LHX4: variants seen among roughly 807,000 people sequenced by gnomAD.
The protein encoded by LHX4 is LIM/homeobox protein Lhx4.
Under a neutral mutation model 39.2 loss-of-function variants are expected in LHX4, and 16 were observed. The ratio of observed to expected loss-of-function variants is 0.41; its 90% CI spans 0.28 to 0.62. The LOEUF (loss-of-function observed/expected upper bound fraction) is 0.62. Among genes scored for constraint, LHX4 ranks in the 20% least tolerant of loss-of-function variants. The probability of loss-of-function intolerance (pLI) is 0.33; values close to 1 mark genes in which losing one functional copy is unlikely to be tolerated. For missense variants in LHX4, 439 were observed against 511.9 expected (o/e 0.86, Z 1.37); for synonymous variants, 206 against 198.1 (o/e 1.04, Z -0.33).
At chr1:180,263,788 G>A (rs1410501471) in intron 2 of LHX4, among the ~76,000 whole-genome samples, 1 of 152,182 alleles carries the variant, frequency 6.6e-6, no homozygotes, top group East Asian at 1.9e-4. Context: ...CCCCCTGCCT[G>A]CTTTTTAGTG....
At chr1:180,255,163 G>T (rs527442028) in intron 2 of LHX4, among the ~76,000 whole-genome samples, 1 of 152,392 alleles carries the variant, frequency 6.6e-6, no homozygotes, top group African/African-American at 2.4e-5. Flanking sequence ...CGCCTGGGTG[G>T]CTTTCCACTG....
rs369174314 is a variant in LHX4 at position 180,274,522 on chromosome 1, C to T, written c.1116C>T (p.Pro372=). ...CCACAGGAAGCAGTGTAGGCTATCC[C>T]GACTTTCCAACTAGCCCAGGCTCTT... ...DISTGSSVGY[P]DFPTSPGSWL... is the part of the protein sequence containing the mutation. The change falls in exon 6 of 6, where the codon CCC becomes CCT. Residue 372 remains proline (P), a synonymous_variant. Coordinates refer to ENST00000263726, the MANE Select transcript of LHX4 (RefSeq NM_033343.4). The T allele has an allele frequency of 4.4e-5, 70 of 1,607,122 alleles. No individual in the cohort carries two copies. The highest frequency in any genetic ancestry group is 2.3e-4 in the African/African-American group (17 of 74,972).
In LHX4 at chr1:180,271,422, C is replaced by T; in HGVS notation, c.494C>T (p.Thr165Ile). 6.2e-7 allele frequency: 1 copy of T among 1,614,186 alleles called. No individual in the cohort carries two copies. Among genetic ancestry groups the T allele is most frequent in the South Asian group, 1.1e-5 (1 of 91,090 alleles). Residue 165 changes from threonine to isoleucine, a missense_variant, in exon 4 of 6, where the codon ACA (threonine) becomes ATA (isoleucine). Coordinates refer to ENST00000263726, the MANE Select transcript of LHX4 (RefSeq NM_033343.4). ...GCTAAGCGGCCCCGGACCACCATCA[C>T]AGCCAAGCAGCTGGAGACATTAAAG... ...AGAKRPRTTI[T>I]AKQLETLKNA...
intron 2 of LHX4, 116 bp downstream of exon 2, chr1:180,248,572 G>C: frequency 8.9e-7 from 1 of 1,123,630 alleles, no homozygotes; most frequent in Non-Finnish European, 1.3e-6. Context: ...CTCTGGGAGG[G>C]GCAGGTAAAT....
intron 1 of LHX4, among the ~76,000 whole-genome samples, chr1:180,243,392 A>G (rs1647255286): frequency 6.6e-6 from 1 of 152,068 alleles, no homozygotes; most frequent in Non-Finnish European, 1.5e-5. Context: ...GATCCGGTTC[A>G]TGCACCAGAA....
In LHX4 at chr1:180,230,425, C is replaced by G. The variant is rs1571250377; in HGVS notation, c.-105C>G. 1.0e-6 allele frequency: 1 copy of G among 991,772 alleles called. No individual in the cohort carries two copies. The highest frequency in any genetic ancestry group is 1.6e-6 in the Non-Finnish European group (1 of 645,108). The allele number at this position is 991,772 out of a possible 1,614,324, so 61.4% of individuals were successfully genotyped here. On this transcript the variant is annotated 5_prime_UTR_variant, in exon 1 of 6. Coordinates refer to ENST00000263726, the MANE Select transcript of LHX4 (RefSeq NM_033343.4). This position sits in a 1 kb window ranked among gnomAD's most constrained non-coding sequence, Gnocchi z 5.8. ...GGCCCGGCTTCCACCGTGACTCCAG[C>G]GGCCTGCTTGGGGTTTTAATTATTA...
chr1:180,255,813 A>G (rs1367963550), intron 2 of LHX4, among the ~76,000 whole-genome samples: 1 of 152,248 alleles, frequency 6.6e-6, no homozygotes, highest in Non-Finnish European at 1.5e-5. Flanking sequence ...GCCTCCTGAC[A>G]TCTGTGGAAG....
At position 180,275,402 on chromosome 1, in the gene LHX4, A is replaced by C. The variant is rs572639772; in HGVS notation, c.*823A>C. ...CCACAAGACAGGCTGTGGGCTGTAA[A>C]ATGAGCAAAACTAAAATGTGGGGAG... is the stretch of plus-strand genomic sequence containing the variant. On this transcript the variant is annotated 3_prime_UTR_variant, in exon 6 of 6. Transcript: ENST00000263726. 15 of 152,356 alleles carry C rather than the reference A, an allele frequency of 9.8e-5. No homozygotes were observed. The highest frequency in any genetic ancestry group is 3.4e-4 in the African/African-American group (14 of 41,588). The allele number at this position is 152,356 out of a possible 1,614,324, so 9.4% of individuals were successfully genotyped here.
chr1:180,258,557 G>C (rs61809137), intron 2 of LHX4, among the ~76,000 whole-genome samples: 12,380 of 152,242 alleles, frequency 0.081, 691 homozygotes, highest in African/African-American at 0.15. Context: ...CGGGGAGACT[G>C]TTAGGAGGCA....
At chr1:180,241,982 G>A (rs551506124) in intron 1 of LHX4, among the ~76,000 whole-genome samples, 66 of 151,286 alleles carry the variant, frequency 4.4e-4, no homozygotes, top group Admixed American at 3.0e-3. Flanking sequence ...TATGCCTGGC[G>A]ATTTTTTTTT....
intron 1 of LHX4, among the ~76,000 whole-genome samples, chr1:180,244,943 C>T (rs895142865): frequency 3.9e-5 from 6 of 152,234 alleles, no homozygotes; most frequent in Non-Finnish European, 8.8e-5. Context: ...GCCTAGCAGC[C>T]TCCTGCCACG....
chr1:180,255,781 C>G (rs1241259783), intron 2 of LHX4, among the ~76,000 whole-genome samples: 1 of 152,254 alleles, frequency 6.6e-6, no homozygotes, highest in Non-Finnish European at 1.5e-5. Context: ...GCCACCCTCC[C>G]CGAGTGGGGC....
At chr1:180,268,521 G>A (rs998580140) in intron 3 of LHX4, among the ~76,000 whole-genome samples, 7 of 152,190 alleles carry the variant, frequency 4.6e-5, no homozygotes, top group African/African-American at 1.2e-4. Context: ...CCCCCACACA[G>A]GGAGATCTCC....
At chr1:180,252,646 C>T (rs963973982) in intron 2 of LHX4, among the ~76,000 whole-genome samples, 3 of 152,134 alleles carry the variant, frequency 2.0e-5, no homozygotes, top group African/African-American at 7.2e-5. Context: ...CAGGGGGCAT[C>T]CTCCTGTCAT....
intron 2 of LHX4, among the ~76,000 whole-genome samples, chr1:180,252,457 C>T (rs1437475841): frequency 6.6e-6 from 1 of 152,158 alleles, no homozygotes; most frequent in East Asian, 1.9e-4. Context: ...TTCCACGCTC[C>T]TTGAAGAAAA....
rs1664277605 is a variant in LHX4 at position 180,234,978 on chromosome 1, C to T, written c.76+4373C>T. Among the ~76,000 whole-genome samples, 2 of 152,342 alleles carry T rather than the reference C, an allele frequency of 1.3e-5. No individual in the cohort carries two copies. The highest frequency in any genetic ancestry group is 4.1e-4 in the South Asian group (2 of 4,834). On this transcript the variant is annotated intron_variant, in intron 1 of 5. Transcript: ENST00000263726. The surrounding 1 kb of genome is among the most constrained non-coding windows in gnomAD (Gnocchi z 4.8). ...TTTAAATGAGCGTTTGCTGCGCACC[C>T]ATGGGCGGCTCACGATCCTGGGCAC...
rs1053075166 is a variant in LHX4 at position 180,275,996 on chromosome 1, C to G, written c.*1417C>G. On this transcript the variant is annotated 3_prime_UTR_variant, in exon 6 of 6. Transcript: ENST00000263726. The stretch of plus-strand genomic sequence containing the variant: ...GCTGTCCTGAATGGTGCTGCAGCTC[C>G]CACCCACCTTGTGCACCCATCTACC... 1.3e-5 allele frequency: 2 copies of G among 152,202 alleles called. No individual in the cohort carries two copies. The highest frequency in any genetic ancestry group is 2.9e-5 in the Non-Finnish European group (2 of 68,040). The allele number at this position is 152,202 out of a possible 1,614,324, so 9.4% of individuals were successfully genotyped here.
At chr1:180,268,502 C>A (rs1648430752) in intron 3 of LHX4, among the ~76,000 whole-genome samples, 1 of 152,234 alleles carries the variant, frequency 6.6e-6, no homozygotes, top group Admixed American at 6.5e-5. Context: ...CAGAAGCTGG[C>A]TGGGCATCCC....
intron 1 of LHX4, among the ~76,000 whole-genome samples, chr1:180,247,130 C>A (rs993174315): frequency 6.6e-6 from 1 of 152,174 alleles, no homozygotes; most frequent in Non-Finnish European, 1.5e-5. Context: ...GTTTGTTCAT[C>A]CAACCACGGA....
Sources: gnomAD v4.1 joint callset for allele counts (sites outside exome capture counted in the v4.1 genomes callset) on GRCh38, gnomAD v4.1.1 for gene constraint, Gnocchi (gnomAD v3.1) non-coding constraint, MANE v1.5 for transcripts, NCBI Gene and HGNC (gene_info 2026-07-23, HGNC 2026-07-21) for gene names.